Variants in PDLIM5 observed in about 807,000 individuals in gnomAD.
The protein encoded by PDLIM5 is PDZ and LIM domain 5, also known as PDZ and LIM domain protein 5.
A neutral mutation model predicts 64.2 loss-of-function variants in PDLIM5; 34 were observed. The ratio of observed to expected loss-of-function variants is 0.53; its 90% CI spans 0.40 to 0.71. PDLIM5 has a LOEUF of 0.71. PDLIM5 is among the 30% of genes least tolerant of loss of function. PDLIM5 has a pLI of 0.00. For missense variants in PDLIM5, 683 were observed against 733.6 expected, an observed-to-expected ratio of 0.93 and a Z score of 0.80; for synonymous variants, 253 against 269.1, an observed-to-expected ratio of 0.94 and a Z score of 0.59.
At chr4:94,643,965 G>A (rs1741201866) in intron 9 of PDLIM5, among the ~76,000 whole-genome samples, 1 of 152,082 alleles carries the variant, frequency 6.6e-6, no homozygotes, top group African/African-American at 2.4e-5. Flanking sequence ...AGGCCTCCTG[G>A]AAATGTATTA....
intron 2 of PDLIM5, among the ~76,000 whole-genome samples, chr4:94,514,580 C>CT (rs1400363889): frequency 2.0e-5 from 3 of 152,102 alleles, no homozygotes; most frequent in Non-Finnish European, 2.9e-5. Flanking sequence ...ATATTCCCTT[C>CT]TTTTTTACTT....
intron 7 of PDLIM5, among the ~76,000 whole-genome samples, chr4:94,604,783 T>C (rs1326701244): frequency 6.6e-6 from 1 of 152,232 alleles, no homozygotes; most frequent in Non-Finnish European, 1.5e-5. Flanking sequence ...TCTTCCACAA[T>C]AATGTGAACG....
Position 94,516,128 on chromosome 4 carries a change from C to T in PDLIM5, c.97-7596C>T, listed in dbSNP as rs557315324. ...GCTGTTTTACTAAATAAGGGCTCATCATAGGAAATAAACTTAGACTACTAG... is the reference window on the plus strand; with the variant it reads ...GCTGTTTTACTAAATAAGGGCTCATTATAGGAAATAAACTTAGACTACTAG... On this transcript the variant is annotated intron_variant, in intron 2 of 12. Transcript: ENST00000317968. 8.5e-5 allele frequency among the ~76,000 whole-genome samples: 13 copies of T among 152,228 alleles called. 1 individual carries two copies. The East Asian group carries it at 2.5e-3, about 29-fold the overall frequency.
chr4:94,608,216 C>G, intron 7 of PDLIM5: 2 of 1,436,312 alleles, frequency 1.4e-6, no homozygotes, highest in Non-Finnish European at 1.9e-6. Flanking sequence ...AATTTCAAAG[C>G]TGGTAGTGAA....
intron 7 of PDLIM5, among the ~76,000 whole-genome samples, chr4:94,602,054 G>C (rs1314886845): frequency 6.6e-6 from 1 of 152,134 alleles, no homozygotes; most frequent in Admixed American, 6.5e-5. Context: ...TTTCTGCTTA[G>C]CAATATTATT....
intron 2 of PDLIM5, among the ~76,000 whole-genome samples, chr4:94,518,585 G>A (rs952128721): frequency 6.6e-6 from 1 of 152,142 alleles, no homozygotes; most frequent in African/African-American, 2.4e-5. Context: ...TTAATGACAT[G>A]TTTAAAGGCA....
intron 9 of PDLIM5, among the ~76,000 whole-genome samples, chr4:94,643,790 C>G (rs1242152761): frequency 6.6e-6 from 1 of 152,100 alleles, no homozygotes; most frequent in Non-Finnish European, 1.5e-5. Flanking sequence ...GTTTTTTGCT[C>G]AGTGATTTTC....
intron 2 of PDLIM5, among the ~76,000 whole-genome samples, chr4:94,512,101 A>G (rs1324825345): frequency 2.0e-5 from 3 of 151,692 alleles, no homozygotes; most frequent in East Asian, 1.9e-4. Flanking sequence ...GCTCACTGCA[A>G]CGTCCACCTC....
intron 3 of PDLIM5, among the ~76,000 whole-genome samples, chr4:94,569,510 G>A (rs1178627199): frequency 6.6e-6 from 1 of 152,064 alleles, no homozygotes; most frequent in East Asian, 1.9e-4. Context: ...AGTAGAGATG[G>A]GGTTTCACCA....
Position 94,665,931 on chromosome 4 carries a change from G to T in PDLIM5, c.*1864G>T. The T allele has an allele frequency of 3.3e-6, 5 of 1,508,852 alleles. No individual in the cohort carries two copies. Among genetic ancestry groups the T allele is most frequent in the Non-Finnish European group, 4.4e-6 (5 of 1,135,806 alleles). The allele number at this position is 1,508,852 out of a possible 1,614,324, so 93.5% of individuals were successfully genotyped here. ...TATGTAGATACCACATGGAGACAGG[G>T]AAACAATTGTGGTAAAACTGTGGAT... is the stretch of plus-strand genomic sequence containing the variant. On this transcript the variant is annotated 3_prime_UTR_variant, in exon 13 of 13. Transcript: ENST00000317968.
intron 2 of PDLIM5, among the ~76,000 whole-genome samples, chr4:94,519,998 T>C (rs1053132163): frequency 1.3e-5 from 2 of 152,190 alleles, no homozygotes; most frequent in Non-Finnish European, 2.9e-5. Context: ...AGATAACTGA[T>C]ATTAGATCCT....
intron 2 of PDLIM5, among the ~76,000 whole-genome samples, chr4:94,497,683 A>G (rs1727527006): frequency 6.6e-6 from 1 of 152,192 alleles, no homozygotes; most frequent in Non-Finnish European, 1.5e-5. Context: ...GATTATGTAG[A>G]CAGAATGAAA....
chr4:94,482,968 T>C (rs994896604), intron 2 of PDLIM5, among the ~76,000 whole-genome samples: 4 of 152,198 alleles, frequency 2.6e-5, no homozygotes, highest in Non-Finnish European at 4.4e-5. Flanking sequence ...TAAAAATTAT[T>C]AACTCTTTTT....
At chr4:94,564,904 C>G (rs1734179978) in intron 3 of PDLIM5, among the ~76,000 whole-genome samples, 1 of 152,080 alleles carries the variant, frequency 6.6e-6, no homozygotes, top group Admixed American at 6.5e-5. Context: ...GATCCGCCCG[C>G]CTCGGCCTCC....
At chr4:94,469,573 AG>A in intron 2 of PDLIM5, among the ~76,000 whole-genome samples, 1 of 152,174 alleles carries the variant, frequency 6.6e-6, no homozygotes, top group South Asian at 2.1e-4. Context: ...GTCCAGTGCC[AG>A]GGTGAGAGAT....
chr4:94,587,214 T>A, intron 7 of PDLIM5: 1 of 1,460,188 alleles, frequency 6.8e-7, no homozygotes, highest in Non-Finnish European at 9.0e-7. Context: ...TTTCTAACAA[T>A]TTCCTATTGT....
intron 3 of PDLIM5, among the ~76,000 whole-genome samples, chr4:94,529,766 A>AT (rs979287241): frequency 5.3e-5 from 8 of 152,042 alleles, no homozygotes; most frequent in African/African-American, 1.7e-4. Context: ...GAAAAAACAT[A>AT]TTTTTTTCCT....
intron 3 of PDLIM5, among the ~76,000 whole-genome samples, chr4:94,551,748 C>A (rs1190395238): frequency 6.6e-6 from 1 of 152,030 alleles, no homozygotes; most frequent in East Asian, 1.9e-4. Flanking sequence ...ATAATGATTA[C>A]CTAACCAGCT....
intron 1 of PDLIM5, among the ~76,000 whole-genome samples, chr4:94,454,631 A>G (rs1023299528): frequency 6.6e-6 from 1 of 152,246 alleles, no homozygotes; most frequent in East Asian, 1.9e-4. Context: ...GGAAAAGTAG[A>G]TATCACTTTA....
Sources: allele counts gnomAD v4.1 joint callset (sites outside exome capture counted in the v4.1 genomes callset), GRCh38; gene constraint gnomAD v4.1.1; transcripts MANE v1.5; gene names NCBI Gene and HGNC (gene_info 2026-07-23, HGNC 2026-07-21).